Variants in BRIP1 observed in about 807,000 individuals in gnomAD.
BRIP1 encodes BRCA1 interacting DNA helicase 1.
In BRIP1, 88 loss-of-function variants were observed where a neutral mutation model predicts 119.7. That is an observed-to-expected ratio of 0.74 (90% CI 0.62 to 0.88). BRIP1 has a LOEUF of 0.88. BRIP1 is among the 40% of genes least tolerant of loss of function. The probability of loss-of-function intolerance (pLI) is 0.00; values close to 1 mark genes in which losing one functional copy is unlikely to be tolerated. For synonymous variants in BRIP1, 443 were observed against 496.5 expected (o/e 0.89, Z 1.43); for missense variants, 1,259 against 1,455.4 (o/e 0.87, Z 2.20).
Position 61,827,890 on chromosome 17 carries a change from G to C in BRIP1, c.628-19133C>G, listed in dbSNP as rs2078433404. Among the ~76,000 whole-genome samples the C allele has an allele frequency of 6.6e-6, 1 of 152,092 alleles. No individual in the cohort carries two copies. Among genetic ancestry groups the C allele is most frequent in the Non-Finnish European group, 1.5e-5 (1 of 68,014 alleles). Reference sequence around the variant, plus strand: ...CTTAAAAATGGCTATTCTTTAAAAAGGACAACAAAACAGATAATGAGGTTG... The same window carrying C: ...CTTAAAAATGGCTATTCTTTAAAAACGACAACAAAACAGATAATGAGGTTG... On this transcript the variant is annotated intron_variant, in intron 6 of 19. Transcript: ENST00000259008. This position sits in a 1 kb window ranked among gnomAD's most constrained non-coding sequence, Gnocchi z 5.8.
At position 61,803,030 on chromosome 17, in the gene BRIP1, C is replaced by G. The variant is rs1370551908; in HGVS notation, c.919-1556G>C. 1.3e-5 allele frequency among the ~76,000 whole-genome samples: 2 copies of G among 151,462 alleles called. No homozygotes were observed. The highest frequency in any genetic ancestry group is 2.9e-5 in the Non-Finnish European group (2 of 67,898). ...ACATAGTGTTGTATGAATAGTCTAA[C>G]AAGGTTCAATAGTAATTTGTGTTTC... On this transcript the variant is annotated intron_variant, in intron 7 of 19. Coordinates refer to ENST00000259008, the MANE Select transcript of BRIP1 (RefSeq NM_032043.3). This position sits in a 1 kb window ranked among gnomAD's most constrained non-coding sequence, Gnocchi z 4.3.
At position 61,776,714 on chromosome 17, in the gene BRIP1, G is replaced by A; in HGVS notation, c.1936-152C>T. 1.3e-6 allele frequency: 1 copy of A among 768,150 alleles called. No homozygotes were observed. Among genetic ancestry groups the A allele is most frequent in the Non-Finnish European group, 2.1e-6 (1 of 471,212 alleles). The allele number at this position is 768,150 out of a possible 1,614,324, so 47.6% of individuals were successfully genotyped here. A position where few individuals can be genotyped will look rare whatever the true frequency, so the allele number is the denominator to read the frequency against. ...GGTTTTCTATTACCTTCAATTAACT[G>A]TATACAGATTTAATTTATAAATGTT... On this transcript the variant is annotated intron_variant, in intron 13 of 19. Coordinates refer to ENST00000259008, the MANE Select transcript of BRIP1 (RefSeq NM_032043.3). The surrounding 1 kb of genome is among the most constrained non-coding windows in gnomAD (Gnocchi z 5.0).
At position 61,746,755 on chromosome 17, in the gene BRIP1, T is replaced by C. The variant is rs1165215221; in HGVS notation, c.2098-2164A>G. Among the ~76,000 whole-genome samples the C allele has an allele frequency of 1.3e-5, 2 of 152,148 alleles. No homozygotes were observed. Among genetic ancestry groups the C allele is most frequent in the Admixed American group, 6.5e-5 (1 of 15,274 alleles). ...ATATAAGAGGAGTAGGAAAGTCATA[T>C]ATCTAACCTTCAGTAATGAATAAAA... On this transcript the variant is annotated intron_variant, in intron 14 of 19. Transcript: ENST00000259008. The surrounding 1 kb of genome is among the most constrained non-coding windows in gnomAD (Gnocchi z 4.9).
intron 16 of BRIP1, 131 bp from the exon 17 acceptor site, chr17:61,716,194 T>C: frequency 1.7e-6 from 1 of 596,614 alleles, no homozygotes; most frequent in Non-Finnish European, 2.8e-6. Context: ...TCAGTACTGA[T>C]TTTTTTCGTT....
rs2145333560 is a variant in BRIP1 at position 61,801,297 on chromosome 17, A to G, written c.1096T>C (p.Phe366Leu). Residue 366 changes from phenylalanine (F) to leucine (L), a missense_variant, in exon 8 of 20, where the codon TTT becomes CTT. By Grantham distance (22) the Phe-to-Leu change is conservative. Around this residue, in one of 3 missense-constraint regions of BRIP1, gnomAD observed 501 missense variants for 544.0 expected, o/e 0.92. Coordinates refer to ENST00000259008, the MANE Select transcript of BRIP1 (RefSeq NM_032043.3). ...TCTAGAAGATAGTTGTAGGGACAAA[A>G]TATGATGTCAGCATCTTGTATTAGT... ...RELIQDADII[F>L]CPYNYLLDAQ... 1 of 1,614,066 alleles carries G rather than the reference A, an allele frequency of 6.2e-7. No homozygotes were observed. The highest frequency in any genetic ancestry group is 1.1e-5 in the South Asian group (1 of 91,084).
intron 16 of BRIP1, among the ~76,000 whole-genome samples, chr17:61,728,545 G>A (rs1268160989): frequency 6.6e-6 from 1 of 152,172 alleles, no homozygotes; most frequent in African/African-American, 2.4e-5. Flanking sequence ...CTACTGCTGG[G>A]ACATAAGCCA....
chr17:61,698,671 T>C (rs1368335558), intron 17 of BRIP1, among the ~76,000 whole-genome samples: 1 of 152,112 alleles, frequency 6.6e-6, no homozygotes, highest in African/African-American at 2.4e-5. Context: ...TAACTTTGTA[T>C]GTTTATAATT....
intron 16 of BRIP1, among the ~76,000 whole-genome samples, chr17:61,721,523 C>A (rs1040882202): frequency 6.6e-6 from 1 of 151,940 alleles, no homozygotes; most frequent in African/African-American, 2.4e-5. Context: ...CCCGCCTCGG[C>A]CTCCCAAAGT....
At chr17:61,731,930 G>T (rs1603299657) in intron 16 of BRIP1, among the ~76,000 whole-genome samples, 1 of 139,976 alleles carries the variant, frequency 7.1e-6, no homozygotes, top group African/African-American at 2.6e-5. Context: ...AAAAAAGGTT[G>T]CTTTATTATT....
rs377341011 is a variant in BRIP1, at chr17:61,857,735, CAAAAACATTTA to C, written c.206-515_206-505del. On this transcript the variant is annotated intron_variant, in intron 3 of 19. Transcript: ENST00000259008. The surrounding 1 kb of genome is among the most constrained non-coding windows in gnomAD (Gnocchi z 5.1). ...CAAGACTCTGTTTCAAAAACCAAAA[CAAAAACATTTA>C]TAGGGAAATTATCACCCATTTATGT... Among the ~76,000 whole-genome samples, 309 of 152,074 alleles carry C rather than the reference CAAAAACATTTA, an allele frequency of 2.0e-3. 1 individual carries two copies. Among genetic ancestry groups the C allele is most frequent in the Middle Eastern group, 6.8e-3 (2 of 294 alleles).
Position 61,706,997 on chromosome 17 carries a change from C to G in BRIP1, c.2492+8954G>C, listed in dbSNP as rs1464882234. 6.6e-6 allele frequency among the ~76,000 whole-genome samples: 1 copy of G among 151,854 alleles called. No individual in the cohort carries two copies. Among genetic ancestry groups the G allele is most frequent in the Non-Finnish European group, 1.5e-5 (1 of 67,964 alleles). ...CTTTGCCTCTATTCTGGATTGGAAC[C>G]CTAGTTCCCTGCATCCTTGATATTC... On this transcript the variant is annotated intron_variant, in intron 17 of 19. Coordinates refer to ENST00000259008, the MANE Select transcript of BRIP1 (RefSeq NM_032043.3). This position sits in a 1 kb window ranked among gnomAD's most constrained non-coding sequence, Gnocchi z 5.7.
Position 61,823,654 on chromosome 17 carries a change from G to A in BRIP1, c.628-14897C>T, listed in dbSNP as rs1198303336. Reference sequence around the variant, plus strand: ...AATTGAAGTCTGAAAGGAAAAAAATGAGTACTTAAGAAAATATTTTTAAAT... The same window carrying A: ...AATTGAAGTCTGAAAGGAAAAAAATAAGTACTTAAGAAAATATTTTTAAAT... On this transcript the variant is annotated intron_variant, in intron 6 of 19. Coordinates refer to ENST00000259008, the MANE Select transcript of BRIP1 (RefSeq NM_032043.3). The surrounding 1 kb of genome is among the most constrained non-coding windows in gnomAD (Gnocchi z 4.8). Among the ~76,000 whole-genome samples, 1 of 151,948 alleles carries A rather than the reference G, an allele frequency of 6.6e-6. No homozygotes were observed. Among genetic ancestry groups the A allele is most frequent in the African/African-American group, 2.4e-5 (1 of 41,354 alleles).
intron 6 of BRIP1, among the ~76,000 whole-genome samples, chr17:61,830,077 C>T (rs1007782132): frequency 4.0e-5 from 6 of 151,878 alleles, no homozygotes; most frequent in African/African-American, 7.2e-5. Flanking sequence ...GGATTACAGG[C>T]GCCCACCACC....
chr17:61,727,476 A>C (rs1198450792), intron 16 of BRIP1, among the ~76,000 whole-genome samples: 1 of 152,110 alleles, frequency 6.6e-6, no homozygotes, highest in Non-Finnish European at 1.5e-5. Flanking sequence ...CATCCAAATT[A>C]TATTTCAGGG....
intron 16 of BRIP1, among the ~76,000 whole-genome samples, chr17:61,719,126 G>C (rs541648517): frequency 2.6e-4 from 40 of 151,764 alleles, no homozygotes; most frequent in Non-Finnish European, 4.6e-4. Context: ...CCTAAATAAA[G>C]ATATGTGGAG....
In BRIP1 at chr17:61,699,054, T is replaced by G. The variant is rs1352980510; in HGVS notation, c.2493-5542A>C. ...TTGTTTCTATTAACTTTTTTTTGTC[T>G]TAAGGGTCTATTTTATCTGATATTA... On this transcript the variant is annotated intron_variant, in intron 17 of 19. Coordinates refer to ENST00000259008, the MANE Select transcript of BRIP1 (RefSeq NM_032043.3). The surrounding 1 kb of genome is among the most constrained non-coding windows in gnomAD (Gnocchi z 4.8). Among the ~76,000 whole-genome samples, 4 of 152,224 alleles carry G rather than the reference T, an allele frequency of 2.6e-5. No homozygotes were observed. The highest frequency in any genetic ancestry group is 9.6e-5 in the African/African-American group (4 of 41,464).
chr17:61,794,383 T>G lies in BRIP1; in HGVS notation c.1341-654A>C, dbSNP rs1169956434. 6.6e-6 allele frequency among the ~76,000 whole-genome samples: 1 copy of G among 152,002 alleles called. No homozygotes were observed. Among genetic ancestry groups the G allele is most frequent in the Admixed American group, 6.6e-5 (1 of 15,234 alleles). ...GGCCATAAAAAAGAACAAGAACATG[T>G]CCTTTACGGGAACATAGATGGAGCT... On this transcript the variant is annotated intron_variant, in intron 9 of 19. Transcript: ENST00000259008. The surrounding 1 kb of genome is among the most constrained non-coding windows in gnomAD (Gnocchi z 4.3).
chr17:61,804,609 G>C lies in BRIP1; in HGVS notation c.919-3135C>G, dbSNP rs2078046141. On this transcript the variant is annotated intron_variant, in intron 7 of 19. Transcript: ENST00000259008. The surrounding 1 kb of genome is among the most constrained non-coding windows in gnomAD (Gnocchi z 4.5). ...TTGCCATGTTGGCCAGGCCAGTCTT[G>C]AACTCCTGACCTCAAGTGCCCACCT... 6.6e-6 allele frequency among the ~76,000 whole-genome samples: 1 copy of C among 152,054 alleles called. No individual in the cohort carries two copies. The highest frequency in any genetic ancestry group is 1.9e-4 in the East Asian group (1 of 5,178).
At chr17:61,829,984 G>A (rs575577634) in intron 6 of BRIP1, among the ~76,000 whole-genome samples, 1 of 150,374 alleles carries the variant, frequency 6.7e-6, no homozygotes, top group Non-Finnish European at 1.5e-5. Flanking sequence ...CCAGGCTTGA[G>A]TGCAATGGCA....
Sources: allele counts gnomAD v4.1 joint callset (sites outside exome capture counted in the v4.1 genomes callset), GRCh38; gene constraint gnomAD v4.1.1; regional missense constraint gnomAD v4.1.1; non-coding constraint Gnocchi (gnomAD v3.1); transcripts MANE v1.5; gene names NCBI Gene and HGNC (gene_info 2026-07-23, HGNC 2026-07-21).